Variants in CFAP161 observed in about 807,000 individuals in gnomAD.
CFAP161 encodes the protein cilia- and flagella-associated protein 161.
Under a neutral mutation model 29.0 loss-of-function variants are expected in CFAP161, and 25 were observed. The observed-to-expected ratio is 0.86, with a 90% confidence interval of 0.63 to 1.20. The LOEUF is 1.20. Ranked by LOEUF, CFAP161 falls within the 50% of genes most tolerant of loss-of-function variation. The pLI, the probability that CFAP161 is intolerant of heterozygous loss-of-function variation, is 0.00. For missense variants in CFAP161, 367 were observed against 371.9 expected (o/e 0.99, Z 0.11); for synonymous variants, 116 against 137.4 (o/e 0.84, Z 1.09).
chr15:81,102,417 C>T (rs775229501), intron 1 of CFAP161, among the ~76,000 whole-genome samples: 14 of 152,124 alleles, frequency 9.2e-5, no homozygotes, highest in Non-Finnish European at 1.5e-4. Flanking sequence ...CCTATAATCC[C>T]AGCACTTTGG....
At chr15:81,101,117 C>T (rs1894298600) in intron 1 of CFAP161, among the ~76,000 whole-genome samples, 1 of 152,170 alleles carries the variant, frequency 6.6e-6, no homozygotes, top group Non-Finnish European at 1.5e-5. Flanking sequence ...TGGGTCCTGG[C>T]AAGGTTGGCA....
intron 4 of CFAP161, among the ~76,000 whole-genome samples, chr15:81,141,152 T>C (rs970565091): frequency 2.6e-5 from 4 of 152,246 alleles, no homozygotes; most frequent in Non-Finnish European, 2.9e-5. Flanking sequence ...TTAGTAACTT[T>C]GCCATATTTA....
Position 81,138,149 on chromosome 15 carries a change from T to C in CFAP161, c.477+14T>C. ...GACAACAAAATGGTGAGTTATCACT[T>C]TGCATATCTACTTTGGATCAGTCAT... On this transcript the variant is annotated intron_variant, in intron 4 of 6. Transcript: ENST00000286732. The C allele has an allele frequency of 6.3e-7, 1 of 1,585,622 alleles. No homozygotes were observed. The highest frequency in any genetic ancestry group is 8.7e-7 in the Non-Finnish European group (1 of 1,154,130).
At chr15:81,148,298 T>G (rs1462343239) in intron 6 of CFAP161, 40 bp from the exon 7 acceptor site, 2 of 1,542,092 alleles carry the variant, frequency 1.3e-6, no homozygotes, top group African/African-American at 2.7e-5. Flanking sequence ...TGAGAGTTGT[T>G]ATTCAATTTC....
At chr15:81,125,827 C>T (rs1164987084) in intron 1 of CFAP161, among the ~76,000 whole-genome samples, 1 of 152,134 alleles carries the variant, frequency 6.6e-6, no homozygotes, top group African/African-American at 2.4e-5. Flanking sequence ...GTATTAGAGT[C>T]ATGAGATAGT....
chr15:81,136,846 G>C (rs1032843778), intron 3 of CFAP161, 98 bp downstream of exon 3: 1 of 975,558 alleles, frequency 1.0e-6, no homozygotes. Context: ...TGGAGGGAAA[G>C]GTTTTGTGAA....
At chr15:81,148,038 C>A in intron 6 of CFAP161, 107 bp downstream of exon 6, 1 of 921,564 alleles carries the variant, frequency 1.1e-6, no homozygotes, top group South Asian at 1.8e-5. Flanking sequence ...CAAAAAATGT[C>A]CTTTGCTGAT....
intron 1 of CFAP161, among the ~76,000 whole-genome samples, chr15:81,127,110 A>G (rs1305615742): frequency 6.6e-6 from 1 of 152,208 alleles, no homozygotes; most frequent in Non-Finnish European, 1.5e-5. Flanking sequence ...GGCATGCCTT[A>G]ATGTTTGTGA....
At chr15:81,115,002 T>G (rs1894479950) in intron 1 of CFAP161, among the ~76,000 whole-genome samples, 2 of 152,196 alleles carry the variant, frequency 1.3e-5, no homozygotes, top group Non-Finnish European at 2.9e-5. Context: ...ACAATTATCC[T>G]TGGCTAAAAA....
In CFAP161 at chr15:81,147,755, T is replaced by C. The variant is rs191496228; in HGVS notation, c.637-103T>C. On this transcript the variant is annotated intron_variant, in intron 5 of 6. Coordinates refer to ENST00000286732, the MANE Select transcript of CFAP161 (RefSeq NM_173528.4). ...TTTTTTTCTACTAAATTGAAATAAA[T>C]GTATAGTATAATCCCAAATTTTTGC... is the stretch of plus-strand genomic sequence containing the variant. The C allele has an allele frequency of 1.4e-3, 838 of 586,180 alleles. 11 individuals carry two copies. The African/African-American group carries it at 0.014, about 10-fold the overall frequency. 36.3% of individuals were successfully genotyped at this position (586,180 alleles called of 1,614,324 possible).
Position 81,135,358 on chromosome 15 carries a change from C to G in CFAP161, c.158C>G (p.Pro53Arg), listed in dbSNP as rs765921742. ...SRRLKQNLLR[P>R]MQLSVTEDGY... ...AGACTAAAACAGAATCTCTTGAGAC[C>G]GGTAACTTTTTTTTTTTTTATTACA... The change falls in exon 2 of 7, where the codon CCG becomes CGG. Residue 53 changes from proline (P) to arginine (R), a missense_variant and splice_region_variant. Pro to Arg is a moderately radical substitution (Grantham distance 103, BLOSUM62 -2). Transcript: ENST00000286732. 2 of 1,575,082 alleles carry G rather than the reference C, an allele frequency of 1.3e-6. No individual in the cohort carries two copies. Among genetic ancestry groups the G allele is most frequent in the Non-Finnish European group, 1.7e-6 (2 of 1,167,704 alleles).
chr15:81,121,109 T>TCTCG (rs1567153396), intron 1 of CFAP161, among the ~76,000 whole-genome samples: 2 of 152,152 alleles, frequency 1.3e-5, no homozygotes, highest in East Asian at 3.8e-4. Flanking sequence ...TATAGCCAAT[T>TCTCG]TGATCACACA....
chr15:81,118,260 C>G, intron 1 of CFAP161: 2 of 515,264 alleles, frequency 3.9e-6, no homozygotes, highest in South Asian at 1.8e-5. Flanking sequence ...AACGGAGGAA[C>G]TCTAAGTTCA....
At chr15:81,138,330 A>C (rs1421009857) in intron 4 of CFAP161, among the ~76,000 whole-genome samples, 195 bp downstream of exon 4, 2 of 152,256 alleles carry the variant, frequency 1.3e-5, no homozygotes, top group Non-Finnish European at 2.9e-5. Flanking sequence ...TTCCCAAATT[A>C]CAAAAACTAC....
intron 1 of CFAP161, among the ~76,000 whole-genome samples, chr15:81,103,756 G>T (rs546950638): frequency 6.6e-6 from 1 of 152,316 alleles, no homozygotes; most frequent in South Asian, 2.1e-4. Flanking sequence ...AAGCCAGAAG[G>T]TCACATGCTC....
At chr15:81,123,355 C>T (rs142770368) in intron 1 of CFAP161, among the ~76,000 whole-genome samples, 13 of 152,114 alleles carry the variant, frequency 8.5e-5, no homozygotes, top group South Asian at 2.1e-4. Context: ...TGTAGGTGTG[C>T]GGTCTTATTT....
chr15:81,104,063 A>G (rs2663920), intron 1 of CFAP161, among the ~76,000 whole-genome samples: 108,613 of 152,064 alleles, frequency 0.71, 39,502 homozygotes, highest in Middle Eastern at 0.76. Context: ...AAATAGAGGC[A>G]CAGAGAGGAG....
In CFAP161 at chr15:81,148,810, T is replaced by C. The variant is rs1895055541; in HGVS notation, c.*277T>C. 1 of 288,932 alleles carries C rather than the reference T, an allele frequency of 3.5e-6. No homozygotes were observed. Among genetic ancestry groups the C allele is most frequent in the Non-Finnish European group, 6.5e-6 (1 of 154,780 alleles). 17.9% of individuals were successfully genotyped at this position (288,932 alleles called of 1,614,324 possible). A position where few individuals can be genotyped will look rare whatever the true frequency, so the allele number is the denominator to read the frequency against. On this transcript the variant is annotated 3_prime_UTR_variant, in exon 7 of 7. Transcript: ENST00000286732. Reference sequence around the variant, plus strand: ...TCTGAAGAACTCAGCTTCCTCTACTTATATCCTTCATTGTCTACAAGGACA... The same window carrying C: ...TCTGAAGAACTCAGCTTCCTCTACTCATATCCTTCATTGTCTACAAGGACA...
intron 1 of CFAP161, among the ~76,000 whole-genome samples, chr15:81,123,577 A>G (rs1398734186): frequency 6.6e-6 from 1 of 152,208 alleles, no homozygotes; most frequent in Non-Finnish European, 1.5e-5. Context: ...TCTATGAAGA[A>G]TGTCAATGGT....
Sources: allele counts gnomAD v4.1 joint callset (sites outside exome capture counted in the v4.1 genomes callset), GRCh38; gene constraint gnomAD v4.1.1; transcripts MANE v1.5; gene names NCBI Gene and HGNC (gene_info 2026-07-23, HGNC 2026-07-21).